Variants in PCBP3 observed in about 807,000 individuals in gnomAD.
The protein encoded by PCBP3 is poly(rC)-binding protein 3.
Under a neutral mutation model 52.7 loss-of-function variants are expected in PCBP3, and 25 were observed. That is an observed-to-expected ratio of 0.47 (90% confidence interval 0.35 to 0.66). The LOEUF (loss-of-function observed/expected upper bound fraction) is 0.66, where lower values mean the gene tolerates loss of function less well. Ranked by LOEUF, PCBP3 falls within the 30% of genes least tolerant of loss-of-function variation. The pLI, the probability that PCBP3 is intolerant of heterozygous loss-of-function variation, is 0.01. For synonymous variants in PCBP3, 162 were observed against 183.0 expected (o/e 0.89, Z 0.93); for missense variants, 391 against 490.3 (o/e 0.80, Z 1.91).
At position 45,721,370 on chromosome 21, in the gene PCBP3, G is replaced by A. The variant is rs962019221; in HGVS notation, c.-199-14022G>A. On this transcript the variant is annotated intron_variant, in intron 2 of 17. Transcript: ENST00000681687. ...GGAGGTTACAGTGAGCCAAGATCGC[G>A]CCACTGCACTCCAGCCTAGGCGACG... 3.6e-5 allele frequency among the ~76,000 whole-genome samples: 5 copies of A among 139,588 alleles called. No homozygotes were observed. The East Asian group carries it at 9.6e-4, about 27-fold the overall frequency. 91.6% of individuals were successfully genotyped at this position (139,588 alleles called of 152,430 possible). A position where few individuals can be genotyped will look rare whatever the true frequency, so the allele number is the denominator to read the frequency against.
At position 45,850,104 on chromosome 21, in the gene PCBP3, C is replaced by T. The variant is rs2093934993; in HGVS notation, c.10+9C>T. 1.9e-6 allele frequency: 3 copies of T among 1,549,570 alleles called. No individual in the cohort carries two copies. The highest frequency in any genetic ancestry group is 4.9e-5 in the East Asian group (2 of 40,926). On this transcript the variant is annotated intron_variant, in intron 5 of 17. Coordinates refer to ENST00000681687, the MANE Select transcript of PCBP3 (RefSeq NM_001384156.1). ...CCTGCTTATGGGGGAAGGTGAGTTA[C>T]TGTCTTTTGTTTCCATGTTTGTTTG...
At chr21:45,755,546 G>C (rs752540050) in intron 4 of PCBP3, among the ~76,000 whole-genome samples, 94 bp downstream of exon 4, 1 of 152,226 alleles carries the variant, frequency 6.6e-6, no homozygotes, top group Non-Finnish European at 1.5e-5. Context: ...AACAGTGCAT[G>C]AGAGTTCCTG....
intron 17 of PCBP3, among the ~76,000 whole-genome samples, chr21:45,940,523 G>A (rs571860903): frequency 1.3e-5 from 2 of 152,342 alleles, no homozygotes; most frequent in Non-Finnish European, 2.9e-5. Flanking sequence ...ACTCTTGTCC[G>A]CTCAGAGGTC....
intron 2 of PCBP3, among the ~76,000 whole-genome samples, chr21:45,701,022 G>C (rs1007287832): frequency 6.6e-6 from 1 of 152,184 alleles, no homozygotes; most frequent in Non-Finnish European, 1.5e-5. Context: ...TTGGATAACA[G>C]AACAATTTGG....
intron 9 of PCBP3, 121 bp from the exon 10 acceptor site, chr21:45,909,234 C>A: frequency 9.4e-7 from 1 of 1,068,966 alleles, no homozygotes; most frequent in Non-Finnish European, 1.4e-6. Context: ...TTGTCCTCGG[C>A]TGTGCATGAC....
At chr21:45,756,696 C>G (rs2088084655) in intron 4 of PCBP3, among the ~76,000 whole-genome samples, 1 of 152,180 alleles carries the variant, frequency 6.6e-6, no homozygotes, top group Non-Finnish European at 1.5e-5. Context: ...ACTCCTTCTT[C>G]CTCCTTTCTG....
chr21:45,750,092 T>C (rs1317806292), intron 3 of PCBP3: 4 of 152,306 alleles, frequency 2.6e-5, no homozygotes, highest in Admixed American at 6.5e-5. Flanking sequence ...CCTGCCTGCG[T>C]GGGATTGTGC....
intron 3 of PCBP3, among the ~76,000 whole-genome samples, chr21:45,753,909 T>A (rs540871606): frequency 6.6e-6 from 1 of 152,340 alleles, no homozygotes; most frequent in African/African-American, 2.4e-5. Context: ...GGTGCCTGTT[T>A]AGATTTACTC....
intron 4 of PCBP3, among the ~76,000 whole-genome samples, chr21:45,787,218 G>C (rs2091223924): frequency 6.6e-6 from 1 of 151,856 alleles, no homozygotes; most frequent in African/African-American, 2.4e-5. Flanking sequence ...AATTCATTAG[G>C]ATAACAGCTG....
At chr21:45,715,672 C>T (rs1162249365) in intron 2 of PCBP3, among the ~76,000 whole-genome samples, 6 of 152,104 alleles carry the variant, frequency 3.9e-5, no homozygotes, top group Admixed American at 1.3e-4. Context: ...TGATTATTAC[C>T]GTTCTAGTGA....
rs562041998 is a variant in PCBP3, at chr21:45,801,622, C to T, written c.-126+46170C>T. Among the ~76,000 whole-genome samples, 14 of 148,162 alleles carry T rather than the reference C, an allele frequency of 9.4e-5. No homozygotes were observed. In the East Asian group the frequency reaches 2.2e-3, roughly 23 times the overall value. On this transcript the variant is annotated intron_variant, in intron 4 of 17. Transcript: ENST00000681687. Reference sequence around the variant, plus strand: ...CTGGTCACTGACCCGCCTTCACAGCCGCACTTGTTGTGACATACTTGATTC... The same window carrying T: ...CTGGTCACTGACCCGCCTTCACAGCTGCACTTGTTGTGACATACTTGATTC...
intron 7 of PCBP3, 98 bp downstream of exon 7, chr21:45,899,720 G>A (rs947771292): frequency 8.1e-5 from 69 of 853,868 alleles, no homozygotes; most frequent in Non-Finnish European, 1.2e-4. Flanking sequence ...CAGTAGGTGC[G>A]CCTTTCCCAG....
intron 4 of PCBP3, among the ~76,000 whole-genome samples, chr21:45,804,977 C>T (rs575636527): frequency 1.3e-5 from 2 of 152,232 alleles, no homozygotes; most frequent in South Asian, 2.1e-4. Flanking sequence ...ATGGGCCTCA[C>T]GGGAGGGTGT....
chr21:45,769,546 A>C (rs933600879), intron 4 of PCBP3, among the ~76,000 whole-genome samples: 1 of 152,266 alleles, frequency 6.6e-6, no homozygotes, highest in Non-Finnish European at 1.5e-5. Context: ...AGAACCGCCT[A>C]TCCAGGCCGG....
At chr21:45,923,056 C>A (rs963020912) in intron 13 of PCBP3, among the ~76,000 whole-genome samples, 7 of 152,268 alleles carry the variant, frequency 4.6e-5, no homozygotes, top group Non-Finnish European at 1.0e-4. Flanking sequence ...GCTGTGCAAT[C>A]CCCGGGACTC....
At chr21:45,693,538 T>C (rs2082603582) in intron 2 of PCBP3, among the ~76,000 whole-genome samples, 1 of 152,120 alleles carries the variant, frequency 6.6e-6, no homozygotes. Flanking sequence ...TACACTTTAA[T>C]AGAATATAAT....
At chr21:45,781,550 T>A (rs1045574451) in intron 4 of PCBP3, among the ~76,000 whole-genome samples, 1 of 152,120 alleles carries the variant, frequency 6.6e-6, no homozygotes, top group Non-Finnish European at 1.5e-5. Flanking sequence ...TGGGAAATGG[T>A]ACAGTTACTT....
At chr21:45,703,773 C>T (rs923216036) in intron 2 of PCBP3, among the ~76,000 whole-genome samples, 2 of 151,944 alleles carry the variant, frequency 1.3e-5, no homozygotes, top group African/African-American at 2.4e-5. Flanking sequence ...TGGCTGGGTT[C>T]TGGGTGTAGT....
intron 4 of PCBP3, among the ~76,000 whole-genome samples, chr21:45,803,124 C>A (rs960107972): frequency 5.9e-5 from 9 of 152,310 alleles, no homozygotes; most frequent in Admixed American, 2.6e-4. Flanking sequence ...CTGCCTCCAG[C>A]CTGGTGTGCC....
Sources: allele counts gnomAD v4.1 joint callset (sites outside exome capture counted in the v4.1 genomes callset), GRCh38; gene constraint gnomAD v4.1.1; transcripts MANE v1.5; gene names NCBI Gene and HGNC (gene_info 2026-07-23, HGNC 2026-07-21).